CEP152: variants seen among roughly 807,000 people sequenced by gnomAD.
The protein encoded by CEP152 is centrosomal protein 152.
CEP152 carries 132 observed loss-of-function variants against 188.9 expected under a neutral mutation model. That is an observed-to-expected ratio of 0.70 (90% CI 0.61 to 0.81). CEP152 has a LOEUF of 0.81. Ranked by LOEUF, CEP152 falls within the 30% of genes least tolerant of loss-of-function variation. The pLI is 0.00. For missense variants in CEP152, 1,914 were observed against 1,969.8 expected (o/e 0.97, Z 0.54); for synonymous variants, 649 against 666.6 (o/e 0.97, Z 0.41).
At chr15:48,744,776 G>A in intron 23 of CEP152, 120 bp downstream of exon 23, 1 of 940,598 alleles carries the variant, frequency 1.1e-6, no homozygotes. Context: ...AGGTTTTGGG[G>A]GATTTTCTTC....
chr15:48,752,563 AC>A, intron 20 of CEP152, 94 bp from the exon 21 acceptor site: 1 of 1,515,408 alleles, frequency 6.6e-7, no homozygotes, highest in Non-Finnish European at 8.8e-7. Context: ...AAGAGAAAAC[AC>A]TACCTGAAAA....
In CEP152 at chr15:48,767,351, T is replaced by G. The variant is rs1398122954; in HGVS notation, c.2131A>C (p.Thr711Pro). The change falls in exon 16 of 27, where the codon ACT becomes CCT. Residue 711 changes from threonine (T) to proline (P), a missense_variant. Thr to Pro is a conservative substitution (Grantham distance 38). Coordinates refer to ENST00000380950, the MANE Select transcript of CEP152 (RefSeq NM_001194998.2). The part of the protein sequence containing the change: ...KQQLFEAYER[T>P]HLQLRSELDK... ...TATTCTCACCTCAGTTGCAAATGAG[T>G]TCTCTCATAAGCCTCAAAGAGCTGC... The G allele has an allele frequency of 6.2e-7, 1 of 1,614,038 alleles. No individual in the cohort carries two copies. The highest frequency in any genetic ancestry group is 1.3e-5 in the African/African-American group (1 of 74,930).
At chr15:48,754,302 C>T (rs1894098148) in intron 20 of CEP152, among the ~76,000 whole-genome samples, 1 of 151,886 alleles carries the variant, frequency 6.6e-6, no homozygotes, top group African/African-American at 2.4e-5. Context: ...AATTATAAGC[C>T]CTGTAAAAAG....
chr15:48,784,837 TAG>T (rs1354846489), intron 9 of CEP152, among the ~76,000 whole-genome samples: 1 of 152,216 alleles, frequency 6.6e-6, no homozygotes, highest in African/African-American at 2.4e-5. Flanking sequence ...ACATAAAATA[TAG>T]AGTGTGTATG....
In CEP152 at chr15:48,744,375, A is replaced by C. The variant is rs550770432; in HGVS notation, c.3732-32T>G. 3.7e-6 allele frequency: 6 copies of C among 1,613,512 alleles called. No individual in the cohort carries two copies. In the South Asian group the frequency reaches 6.6e-5, roughly 18 times the overall value. ...AACAAACCAAAGATTACAAAAACAG[A>C]AATGGTAAGTGAAAAATTTCATTTG... is the stretch of plus-strand genomic sequence containing the variant. On this transcript the variant is annotated intron_variant, in intron 23 of 26. Transcript: ENST00000380950.
intron 2 of CEP152, among the ~76,000 whole-genome samples, chr15:48,732,426 T>G (rs1043576202): frequency 6.6e-6 from 1 of 152,002 alleles, no homozygotes; most frequent in Non-Finnish European, 1.5e-5. Flanking sequence ...CAGCAAACTA[T>G]CACAGGAACA....
At chr15:48,786,790 G>A (rs1001222045) in intron 9 of CEP152, among the ~76,000 whole-genome samples, 2 of 152,198 alleles carry the variant, frequency 1.3e-5, no homozygotes, top group African/African-American at 4.8e-5. Flanking sequence ...ACCCAGCACA[G>A]AATCAAGAAT....
intron 2 of CEP152, among the ~76,000 whole-genome samples, chr15:48,801,751 C>A (rs1001529643): frequency 2.0e-5 from 3 of 152,130 alleles, no homozygotes; most frequent in African/African-American, 7.2e-5. Flanking sequence ...TAAGCTGTGG[C>A]TTTACCAACA....
intron 22 of CEP152, among the ~76,000 whole-genome samples, chr15:48,745,700 C>A (rs1045910818): frequency 5.9e-5 from 9 of 152,008 alleles, no homozygotes; most frequent in African/African-American, 2.2e-4. Flanking sequence ...ATTCTTTGAA[C>A]TTTTAAAAAG....
Position 48,748,530 on chromosome 15 carries a change from G to T in CEP152, c.3547C>A (p.Gln1183Lys). The stretch of plus-strand genomic sequence containing the variant: ...TTCTCCAGTTTTCCTTTCAGATCTT[G>T]ACATTCCTGCTTTGCCTTTTCAAGT... ...QELEKAKQEC[Q>K]DLKGKLEKCC... is the part of the protein sequence containing the mutation. The change falls in exon 22 of 27, where the codon CAA becomes AAA. Residue 1183 changes from glutamine (Q) to lysine (K), a missense_variant. Coordinates refer to ENST00000380950, the MANE Select transcript of CEP152 (RefSeq NM_001194998.2). 6.5e-7 allele frequency: 1 copy of T among 1,534,790 alleles called. No individual in the cohort carries two copies. Among genetic ancestry groups the T allele is most frequent in the Non-Finnish European group, 8.7e-7 (1 of 1,146,260 alleles).
At position 48,767,134 on chromosome 15, in the gene CEP152, C is replaced by G. The variant is rs1439522256; in HGVS notation, c.2206G>C (p.Val736Leu). The change falls in exon 17 of 27, where the codon GTG becomes CTG. Residue 736 changes from valine (V) to leucine (L), a missense_variant. Physicochemically the swap from Val to Leu is conservative, Grantham distance 32. Coordinates refer to ENST00000380950, the MANE Select transcript of CEP152 (RefSeq NM_001194998.2). ...TCTAGATTATCCTTCTCTCTGCACA[C>G]TTCTAGGTAACATTCCTGCACAGCA... ...VTAVQECYLE[V>L]CREKDNLELT... 2 of 1,613,686 alleles carry G rather than the reference C, an allele frequency of 1.2e-6. No homozygotes were observed. The highest frequency in any genetic ancestry group is 1.7e-6 in the Non-Finnish European group (2 of 1,180,026).
chr15:48,774,269 C>G (rs1049203431), intron 12 of CEP152, among the ~76,000 whole-genome samples: 2 of 152,026 alleles, frequency 1.3e-5, no homozygotes, highest in Non-Finnish European at 2.9e-5. Flanking sequence ...TGTAACTGAA[C>G]TCCCAGAAGA....
chr15:48,749,675 T>C (rs1893733276), intron 21 of CEP152, among the ~76,000 whole-genome samples: 1 of 151,746 alleles, frequency 6.6e-6, no homozygotes, highest in Admixed American at 6.6e-5. Flanking sequence ...AGAAAAGTTC[T>C]GTTAAAAAAA....
intron 19 of CEP152, among the ~76,000 whole-genome samples, chr15:48,757,255 C>A (rs898219570): frequency 6.6e-6 from 1 of 152,164 alleles, no homozygotes; most frequent in African/African-American, 2.4e-5. Flanking sequence ...AATTAACTTA[C>A]CAGCTGAAGA....
intron 23 of CEP152, 83 bp from the exon 24 acceptor site, chr15:48,744,426 CT>C: frequency 6.4e-7 from 1 of 1,560,928 alleles, no homozygotes; most frequent in Non-Finnish European, 8.7e-7. Flanking sequence ...TCCATATACT[CT>C]AATAAAGTTA....
At chr15:48,737,261 T>A (rs186872730), downstream of CEP152, among the ~76,000 whole-genome samples, 1 of 152,040 alleles carries the variant, frequency 6.6e-6, no homozygotes, top group Non-Finnish European at 1.5e-5. Flanking sequence ...CCAAATACAA[T>A]CCATAATATA....
intron 15 of CEP152, among the ~76,000 whole-genome samples, chr15:48,767,717 A>T (rs1466542017): frequency 6.6e-6 from 1 of 152,238 alleles, no homozygotes; most frequent in Non-Finnish European, 1.5e-5. Context: ...CAGTCCTTCA[A>T]ATAGAGATAG....
intron 13 of CEP152, among the ~76,000 whole-genome samples, chr15:48,771,132 TG>T (rs1895500371): frequency 6.6e-6 from 1 of 152,156 alleles, no homozygotes; most frequent in Non-Finnish European, 1.5e-5. Context: ...TTGTGAAATA[TG>T]GAAGGGTAAA....
chr15:48,752,577 A>C (rs1296144671), intron 20 of CEP152, 108 bp from the exon 21 acceptor site: 1 of 1,496,774 alleles, frequency 6.7e-7, no homozygotes, highest in Non-Finnish European at 8.9e-7. Context: ...CCTGAAAAAA[A>C]TCTTGCCTGA....
Sources: allele counts gnomAD v4.1 joint callset (sites outside exome capture counted in the v4.1 genomes callset), GRCh38; gene constraint gnomAD v4.1.1; transcripts MANE v1.5; gene names NCBI Gene and HGNC (gene_info 2026-07-23, HGNC 2026-07-21).